Variants in PHLPP1 observed in about 807,000 individuals in gnomAD.
The protein encoded by PHLPP1 is PH domain and leucine rich repeat protein phosphatase 1, also known as PH domain leucine-rich repeat-containing protein phosphatase 1.
Under a neutral mutation model 117.2 loss-of-function variants are expected in PHLPP1, and 42 were observed. The observed-to-expected ratio is 0.36, with a 90% confidence interval of 0.28 to 0.46. The LOEUF (loss-of-function observed/expected upper bound fraction) is 0.46. PHLPP1 is among the 20% of genes least tolerant of loss of function. The probability of loss-of-function intolerance (pLI) is 1.00; values close to 1 mark genes in which losing one functional copy is unlikely to be tolerated. For missense variants in PHLPP1, 2,084 were observed against 2,241.9 expected (o/e 0.93, Z 1.42); for synonymous variants, 1,042 against 970.7 (o/e 1.07, Z -1.37).
At chr18:62,975,269 G>A (rs1226208174) in intron 15 of PHLPP1, 128 bp from the exon 16 acceptor site, 1 of 659,020 alleles carries the variant, frequency 1.5e-6, no homozygotes, top group Non-Finnish European at 2.7e-6. Context: ...CTTTGATGAA[G>A]GAGGCGGAGT....
At chr18:62,721,110 G>C (rs1459940842) in intron 1 of PHLPP1, among the ~76,000 whole-genome samples, 3 of 152,068 alleles carry the variant, frequency 2.0e-5, no homozygotes, top group African/African-American at 7.2e-5. Context: ...TGTTTTTGTT[G>C]GTAATGAGGT....
chr18:62,837,887 G>C (rs1355518513), intron 2 of PHLPP1: 1 of 151,738 alleles, frequency 6.6e-6, no homozygotes, highest in Non-Finnish European at 1.5e-5. Flanking sequence ...GGCTGGTCTC[G>C]AACTCCTGAC....
At chr18:62,842,414 A>C (rs1458702038) in intron 3 of PHLPP1, among the ~76,000 whole-genome samples, 1 of 150,888 alleles carries the variant, frequency 6.6e-6, no homozygotes, top group African/African-American at 2.4e-5. Context: ...CTGAGCCTGG[A>C]GTGCAGTAGT....
At chr18:62,726,781 G>T (rs2122053871) in intron 1 of PHLPP1, among the ~76,000 whole-genome samples, 1 of 150,968 alleles carries the variant, frequency 6.6e-6, no homozygotes, top group South Asian at 2.1e-4. Context: ...ATGGGGTTTT[G>T]CCATGTTGGC....
Position 62,979,473 on chromosome 18 carries a change from T to A in PHLPP1, c.*42T>A. 3 of 1,532,370 alleles carry A rather than the reference T, an allele frequency of 2.0e-6. No homozygotes were observed. Among genetic ancestry groups the A allele is most frequent in the Non-Finnish European group, 2.6e-6 (3 of 1,136,122 alleles). The allele number at this position is 1,532,370 out of a possible 1,614,324, so 94.9% of individuals were successfully genotyped here. On this transcript the variant is annotated 3_prime_UTR_variant, in exon 17 of 17. Coordinates refer to ENST00000262719, the MANE Select transcript of PHLPP1 (RefSeq NM_194449.4). ...AACAAATAAACTAACCACAAAAGACTGAGTTGCAAGAGTCTCCCAGGCTCA... is the reference window on the plus strand; with the variant it reads ...AACAAATAAACTAACCACAAAAGACAGAGTTGCAAGAGTCTCCCAGGCTCA...
At chr18:62,968,048 C>G (rs1669412795) in intron 14 of PHLPP1, among the ~76,000 whole-genome samples, 1 of 152,166 alleles carries the variant, frequency 6.6e-6, no homozygotes, top group African/African-American at 2.4e-5. Context: ...GTCTCTAACT[C>G]CTGACCTCAA....
intron 6 of PHLPP1, among the ~76,000 whole-genome samples, chr18:62,899,864 C>T (rs887155922): frequency 2.6e-5 from 4 of 152,120 alleles, no homozygotes; most frequent in Non-Finnish European, 5.9e-5. Context: ...GAGATGGGAC[C>T]GCAGTTTGTT....
chr18:62,928,735 T>A (rs1018335933), intron 10 of PHLPP1, among the ~76,000 whole-genome samples: 1 of 152,150 alleles, frequency 6.6e-6, no homozygotes, highest in African/African-American at 2.4e-5. Flanking sequence ...TCATAACAAC[T>A]GGAAAGTAGA....
At chr18:62,948,581 A>G (rs1910364824) in intron 12 of PHLPP1, among the ~76,000 whole-genome samples, 1 of 151,200 alleles carries the variant, frequency 6.6e-6, no homozygotes, top group Non-Finnish European at 1.5e-5. Flanking sequence ...CCCCCCAGCT[A>G]TTACACCTTA....
intron 7 of PHLPP1, among the ~76,000 whole-genome samples, chr18:62,903,556 C>T (rs1916776146): frequency 2.0e-5 from 3 of 151,988 alleles, no homozygotes; most frequent in South Asian, 2.1e-4. Flanking sequence ...TGACTCCATT[C>T]GGGATCTCCA....
In PHLPP1 at chr18:62,978,756, A is replaced by G. The variant is rs771489733; in HGVS notation, c.4479A>G (p.Thr1493=). The G allele has an allele frequency of 6.2e-7, 1 of 1,613,240 alleles. No homozygotes were observed. The highest frequency in any genetic ancestry group is 1.1e-5 in the South Asian group (1 of 91,044). Residue 1493 remains threonine, a synonymous_variant, in exon 17 of 17, where the codon ACA becomes ACG. Coordinates refer to ENST00000262719, the MANE Select transcript of PHLPP1 (RefSeq NM_194449.4). This position sits in a 1 kb window ranked among gnomAD's most constrained non-coding sequence, Gnocchi z 7.0. ...TSEMSSEVGS[T]ASDEPPPGAL... is the part of the protein sequence containing the mutation. ...AGATGAGCAGCGAGGTGGGGTCAAC[A>G]GCCTCCGATGAGCCCCCGCCCGGAG...
chr18:62,776,461 C>A lies in PHLPP1; in HGVS notation c.1577-53574C>A, dbSNP rs77463475. ...TAATCACATTTATAAAATATTTTCACAGCAACACCTACTGTATCTTAGCCA... is the reference window on the plus strand; with the variant it reads ...TAATCACATTTATAAAATATTTTCAAAGCAACACCTACTGTATCTTAGCCA... On this transcript the variant is annotated intron_variant, in intron 1 of 16. Coordinates refer to ENST00000262719, the MANE Select transcript of PHLPP1 (RefSeq NM_194449.4). Among the ~76,000 whole-genome samples the A allele has an allele frequency of 2.4e-3, 363 of 152,274 alleles. 2 individuals are homozygous for A. In the East Asian group the frequency reaches 0.024, roughly 10 times the overall value.
intron 1 of PHLPP1, among the ~76,000 whole-genome samples, chr18:62,742,590 C>T (rs1434248348): frequency 6.6e-6 from 1 of 152,208 alleles, no homozygotes. Flanking sequence ...TGCCCACCGC[C>T]ATGCCTGGCT....
At chr18:62,817,589 A>G (rs1323003147) in intron 1 of PHLPP1, among the ~76,000 whole-genome samples, 5 of 152,098 alleles carry the variant, frequency 3.3e-5, no homozygotes, top group Non-Finnish European at 7.4e-5. Context: ...AAAACCCATA[A>G]TGAACTGTGG....
At chr18:62,804,304 C>G (rs546918506) in intron 1 of PHLPP1, among the ~76,000 whole-genome samples, 1 of 152,150 alleles carries the variant, frequency 6.6e-6, no homozygotes, top group South Asian at 2.1e-4. Context: ...GTAAGGGTTA[C>G]GATTTATGAT....
chr18:62,721,229 G>T (rs1910906210), intron 1 of PHLPP1, among the ~76,000 whole-genome samples: 1 of 152,184 alleles, frequency 6.6e-6, no homozygotes, highest in African/African-American at 2.4e-5. Context: ...TAAGGAGACA[G>T]TATGGAAAGA....
At chr18:62,973,377 A>G (rs1417641007) in intron 15 of PHLPP1, among the ~76,000 whole-genome samples, 1 of 152,202 alleles carries the variant, frequency 6.6e-6, no homozygotes, top group Non-Finnish European at 1.5e-5. Flanking sequence ...GTTTATTCTT[A>G]CCACCTTCAT....
intron 3 of PHLPP1, among the ~76,000 whole-genome samples, chr18:62,844,397 A>G (rs1173292868): frequency 2.0e-5 from 3 of 152,222 alleles, no homozygotes; most frequent in Non-Finnish European, 4.4e-5. Flanking sequence ...GAAGATTAAA[A>G]GTGGATTCAG....
At chr18:62,923,417 A>G (rs1389618888) in intron 10 of PHLPP1, among the ~76,000 whole-genome samples, 2 of 152,216 alleles carry the variant, frequency 1.3e-5, no homozygotes, top group African/African-American at 4.8e-5. Flanking sequence ...TGTAATTGCT[A>G]CATCTCCAGC....
Sources: gnomAD v4.1 joint callset for allele counts (sites outside exome capture counted in the v4.1 genomes callset) on GRCh38, gnomAD v4.1.1 for gene constraint, Gnocchi (gnomAD v3.1) non-coding constraint, MANE v1.5 for transcripts, NCBI Gene and HGNC (gene_info 2026-07-23, HGNC 2026-07-21) for gene names.